Variants in DRC11 observed in about 807,000 individuals in gnomAD.
DRC11 encodes the protein dynein regulatory complex subunit 11, also known as IQ and AAA domain-containing protein 1.
the DRC11 span, among the ~76,000 whole-genome samples, chr2:236,491,343 G>A: frequency 2.0e-5 from 3 of 148,196 alleles, no homozygotes; most frequent in African/African-American, 7.5e-5. Context: ...AGTCGCAGCA[G>A]GGAAGTCCTT....
the DRC11 span, among the ~76,000 whole-genome samples, chr2:236,372,797 G>A: frequency 3.1e-4 from 47 of 151,872 alleles, no homozygotes; most frequent in Non-Finnish European, 2.9e-5. This position sits in a 1 kb window ranked among gnomAD's most constrained non-coding sequence, Gnocchi z 4.5. Flanking sequence ...TTATTTTGTA[G>A]AAAAAGGGTC....
At chr2:236,493,662 C>T in the DRC11 span, 1 of 937,514 alleles carries the variant, frequency 1.1e-6, no homozygotes, top group South Asian at 1.9e-5. Context: ...GGATCATTCT[C>T]TGCTTAAACT....
chr2:236,326,792 TTG>T, the DRC11 span, among the ~76,000 whole-genome samples: 16,264 of 143,678 alleles, frequency 0.11, 838 homozygotes, highest in South Asian at 0.16. Flanking sequence ...TTCAGATTTG[TTG>T]TGTGTGTGTG....
chr2:236,324,564 T>A, the DRC11 span: 1 of 633,636 alleles, frequency 1.6e-6, no homozygotes, highest in South Asian at 1.9e-5. This position sits in a 1 kb window ranked among gnomAD's most constrained non-coding sequence, Gnocchi z 5.7. Flanking sequence ...CCCTGAGGGC[T>A]TCTTCAGGCG....
chr2:236,309,691 A>G, the DRC11 span, among the ~76,000 whole-genome samples: 2 of 152,158 alleles, frequency 1.3e-5, no homozygotes, highest in Admixed American at 1.3e-4. This position sits in a 1 kb window ranked among gnomAD's most constrained non-coding sequence, Gnocchi z 5.7. Flanking sequence ...ATCCTAGAGC[A>G]TGTTCTTAAC....
At chr2:236,348,355 C>T in the DRC11 span, among the ~76,000 whole-genome samples, 765 of 152,260 alleles carry the variant, frequency 5.0e-3, 9 homozygotes, top group African/African-American at 0.017. The surrounding 1 kb of genome is among the most constrained non-coding windows in gnomAD (Gnocchi z 7.4). Flanking sequence ...ATACTGATCC[C>T]GGCTGGGCAC....
At chr2:236,404,161 T>TAAAAA in the DRC11 span, among the ~76,000 whole-genome samples, 4 of 91,526 alleles carry the variant, frequency 4.4e-5, no homozygotes, top group Non-Finnish European at 6.9e-5. Context: ...AATGGAGAGT[T>TAAAAA]AAAAAAAAAA....
At chr2:236,421,614 T>C in the DRC11 span, among the ~76,000 whole-genome samples, 2 of 152,172 alleles carry the variant, frequency 1.3e-5, no homozygotes, top group Non-Finnish European at 2.9e-5. Flanking sequence ...GATTCACAGC[T>C]GAATTCTACC....
At chr2:236,414,536 G>A in the DRC11 span, among the ~76,000 whole-genome samples, 4 of 152,076 alleles carry the variant, frequency 2.6e-5, no homozygotes. Context: ...GTGTTGCCCA[G>A]GCTGGGTGCC....
chr2:236,348,901 C>T, the DRC11 span, among the ~76,000 whole-genome samples: 2 of 152,162 alleles, frequency 1.3e-5, no homozygotes, highest in African/African-American at 4.8e-5. The surrounding 1 kb of genome is among the most constrained non-coding windows in gnomAD (Gnocchi z 7.4). Context: ...CTGGCCTCTA[C>T]GTGCTGACCA....
At chr2:236,466,318 A>C in the DRC11 span, among the ~76,000 whole-genome samples, 1 of 152,174 alleles carries the variant, frequency 6.6e-6, no homozygotes, top group African/African-American at 2.4e-5. Context: ...TTTTCTTCCC[A>C]CAACCTCTCG....
At chr2:236,344,151 G>A in the DRC11 span, among the ~76,000 whole-genome samples, 6 of 152,116 alleles carry the variant, frequency 3.9e-5, no homozygotes, top group Non-Finnish European at 2.9e-5. Context: ...CCCGAATGTG[G>A]TGCACTTAGC....
chr2:236,416,398 T>C, the DRC11 span, among the ~76,000 whole-genome samples: 2 of 151,906 alleles, frequency 1.3e-5, no homozygotes, highest in South Asian at 2.1e-4. Flanking sequence ...AGCACTGTCA[T>C]GTGGGGAGCC....
At chr2:236,502,099 A>C in the DRC11 span, among the ~76,000 whole-genome samples, 4 of 152,230 alleles carry the variant, frequency 2.6e-5, no homozygotes, top group Non-Finnish European at 5.9e-5. Flanking sequence ...GACTTCTTCA[A>C]AGTGCCAAAA....
chr2:236,373,280 G>A, the DRC11 span, among the ~76,000 whole-genome samples: 2 of 142,440 alleles, frequency 1.4e-5, no homozygotes, highest in South Asian at 2.2e-4. Context: ...TTTTTGCGAC[G>A]GAGTCCCGCT....
the DRC11 span, among the ~76,000 whole-genome samples, chr2:236,398,939 C>T: frequency 7.9e-5 from 12 of 152,222 alleles, no homozygotes; most frequent in African/African-American, 2.6e-4. The surrounding 1 kb of genome is among the most constrained non-coding windows in gnomAD (Gnocchi z 6.2). Flanking sequence ...ATCTTCTCAT[C>T]CTATATGCAT....
At chr2:236,310,139 G>A in the DRC11 span, among the ~76,000 whole-genome samples, 7 of 152,186 alleles carry the variant, frequency 4.6e-5, no homozygotes, top group African/African-American at 1.7e-4. This position sits in a 1 kb window ranked among gnomAD's most constrained non-coding sequence, Gnocchi z 5.5. Context: ...GGCCCATGAA[G>A]CAGCAGTGGG....
chr2:236,477,515 T>C, the DRC11 span, among the ~76,000 whole-genome samples: 1 of 152,184 alleles, frequency 6.6e-6, no homozygotes, highest in Non-Finnish European at 1.5e-5. Flanking sequence ...AAGAAAAATC[T>C]GCTTATAAGT....
At chr2:236,408,163 G>A in the DRC11 span, 1 of 709,228 alleles carries the variant, frequency 1.4e-6, no homozygotes, top group Admixed American at 1.8e-5. The surrounding 1 kb of genome is among the most constrained non-coding windows in gnomAD (Gnocchi z 5.5). Context: ...GTCAGTGGAG[G>A]CATTGTTCTT....
Sources: gnomAD v4.1 joint callset for allele counts (sites outside exome capture counted in the v4.1 genomes callset) on GRCh38, gnomAD v4.1.1 for gene constraint, Gnocchi (gnomAD v3.1) non-coding constraint, MANE v1.5 for transcripts, NCBI Gene and HGNC (gene_info 2026-07-23, HGNC 2026-07-21) for gene names.